Variants in NDRG1 observed in about 807,000 individuals in gnomAD.
The protein encoded by NDRG1 is N-myc downstream regulated 1.
NDRG1 carries 32 observed loss-of-function variants against 56.9 expected under a neutral mutation model. The ratio of observed to expected loss-of-function variants is 0.56; its 90% CI spans 0.42 to 0.76. NDRG1 has a LOEUF of 0.76. Among genes scored for constraint, NDRG1 ranks in the 30% least tolerant of loss-of-function variants. The probability of loss-of-function intolerance (pLI) is 0.00; values close to 1 mark genes in which losing one functional copy is unlikely to be tolerated. For missense variants in NDRG1, 507 were observed against 545.7 expected (o/e 0.93, Z 0.71); for synonymous variants, 211 against 204.1 (o/e 1.03, Z -0.29).
intron 5 of NDRG1, 98 bp from the exon 6 acceptor site, chr8:133,259,328 G>T: frequency 7.9e-7 from 1 of 1,260,308 alleles, no homozygotes; most frequent in Non-Finnish European, 1.2e-6. Flanking sequence ...GCAGCAGCCT[G>T]CCCCATGCAC....
rs1028658887 is a variant in NDRG1, at chr8:133,238,655, C to T, written c.*223G>A. The T allele has an allele frequency of 6.1e-5, 37 of 601,740 alleles. No homozygotes were observed. Among genetic ancestry groups the T allele is most frequent in the Middle Eastern group, 4.4e-4 (1 of 2,272 alleles). 37.3% of individuals were successfully genotyped at this position (601,740 alleles called of 1,614,324 possible). A position where few individuals can be genotyped will look rare whatever the true frequency, so the allele number is the denominator to read the frequency against. ...CTGGTTAATGGAAGAGGATGCGATG[C>T]GGAGATGCTTGCTTCCTTCCTTTGG... On this transcript the variant is annotated 3_prime_UTR_variant, in exon 16 of 16. Coordinates refer to ENST00000323851, the MANE Select transcript of NDRG1 (RefSeq NM_006096.4).
intron 13 of NDRG1, among the ~76,000 whole-genome samples, chr8:133,244,997 G>A (rs977131320): frequency 6.6e-6 from 1 of 152,206 alleles, no homozygotes; most frequent in East Asian, 1.9e-4. Flanking sequence ...GGAGGCTGCG[G>A]GGAGGGTGGC....
chr8:133,278,135 G>A (rs116275259), intron 3 of NDRG1, among the ~76,000 whole-genome samples: 1 of 152,116 alleles, frequency 6.6e-6, no homozygotes, highest in Admixed American at 6.5e-5. Flanking sequence ...GGGTGGCCCG[G>A]CCCATCCCTG....
chr8:133,285,888 G>A (rs1247342972), intron 1 of NDRG1, among the ~76,000 whole-genome samples: 2 of 152,214 alleles, frequency 1.3e-5, no homozygotes, highest in African/African-American at 2.4e-5. Flanking sequence ...CAGCAGGTTC[G>A]TGGTCCCAAG....
At position 133,252,981 on chromosome 8, in the gene NDRG1, G is replaced by T. The variant is rs1564285915; in HGVS notation, c.594+1558C>A. 4.6e-5 allele frequency among the ~76,000 whole-genome samples: 7 copies of T among 152,258 alleles called. No homozygotes were observed. In the East Asian group the frequency reaches 1.3e-3, roughly 29 times the overall value. ...CTGGTGTACTCGCCAGCTCCAGAGT[G>T]GAGGCTGTGTCCCCAGGACTCATGG... On this transcript the variant is annotated intron_variant, in intron 9 of 15. Transcript: ENST00000323851.
chr8:133,265,931 C>T (rs970067720), intron 3 of NDRG1, among the ~76,000 whole-genome samples: 1 of 152,254 alleles, frequency 6.6e-6, no homozygotes, highest in African/African-American at 2.4e-5. Flanking sequence ...ATTTCCACAT[C>T]TGAGAGCAGT....
intron 9 of NDRG1, among the ~76,000 whole-genome samples, chr8:133,253,326 T>C (rs1856177925): frequency 6.6e-6 from 1 of 152,250 alleles, no homozygotes; most frequent in South Asian, 2.1e-4. Flanking sequence ...GCCGCCATCC[T>C]GCTGTGGTGA....
intron 9 of NDRG1, among the ~76,000 whole-genome samples, chr8:133,251,569 C>T (rs1856046989): frequency 1.3e-5 from 2 of 152,218 alleles, no homozygotes; most frequent in Non-Finnish European, 2.9e-5. Flanking sequence ...GACATCCCTC[C>T]TCCAGTGAAA....
intron 4 of NDRG1, among the ~76,000 whole-genome samples, chr8:133,262,832 T>A (rs1250868913): frequency 2.0e-5 from 3 of 152,142 alleles, no homozygotes; most frequent in Non-Finnish European, 4.4e-5. Context: ...TTCTCTAAGA[T>A]CCTCTAAGTT....
chr8:133,259,352 C>T (rs1431877009), intron 5 of NDRG1, 122 bp from the exon 6 acceptor site: 5 of 943,502 alleles, frequency 5.3e-6, no homozygotes, highest in Non-Finnish European at 8.6e-6. Context: ...GACCCCCCCA[C>T]CCCCAAGTCT....
At chr8:133,278,887 C>CTTT (rs34187643) in intron 3 of NDRG1, among the ~76,000 whole-genome samples, 17 of 125,580 alleles carry the variant, frequency 1.4e-4, no homozygotes, top group East Asian at 4.5e-4. Context: ...CTCTCTTCTT[C>CTTT]TTTTTTTTTT....
At chr8:133,295,146 G>C (rs13249682) in intron 1 of NDRG1, among the ~76,000 whole-genome samples, 4,201 of 152,246 alleles carry the variant, frequency 0.028, 74 homozygotes, top group African/African-American at 0.04. Context: ...AAAAGCAAAA[G>C]CCAACACCTC....
In NDRG1 at chr8:133,291,999, G is replaced by A. The variant is rs532413896; in HGVS notation, c.-19+5135C>T. Among the ~76,000 whole-genome samples, 6 of 152,202 alleles carry A rather than the reference G, an allele frequency of 3.9e-5. No individual in the cohort carries two copies. The East Asian group carries it at 1.2e-3, about 29-fold the overall frequency. On this transcript the variant is annotated intron_variant, in intron 1 of 15. Transcript: ENST00000323851. The stretch of plus-strand genomic sequence containing the variant: ...TCTCGTCAGGGCCCACCTCTTTTCT[G>A]CAATACAACCGAGATCTTCCTGGAG...
At chr8:133,270,444 C>T (rs1382305543) in intron 3 of NDRG1, among the ~76,000 whole-genome samples, 1 of 152,206 alleles carries the variant, frequency 6.6e-6, no homozygotes, top group African/African-American at 2.4e-5. Context: ...TGGTCCCCTT[C>T]CTTACTCACC....
intron 7 of NDRG1, 60 bp from the exon 8 acceptor site, chr8:133,256,923 T>C: frequency 6.6e-7 from 1 of 1,523,444 alleles, no homozygotes; most frequent in East Asian, 2.3e-5. Flanking sequence ...CTAGGAACTT[T>C]CCAAGGCAAA....
chr8:133,250,600 A>G (rs1365353135), intron 9 of NDRG1, 57 bp from the exon 10 acceptor site: 1 of 1,370,340 alleles, frequency 7.3e-7, no homozygotes, highest in Non-Finnish European at 1.0e-6. Context: ...TGAGCTGGTC[A>G]CTACTCTCTC....
At chr8:133,249,952 G>A (rs1855920194) in intron 10 of NDRG1, among the ~76,000 whole-genome samples, 1 of 152,006 alleles carries the variant, frequency 6.6e-6, no homozygotes, top group South Asian at 2.1e-4. Flanking sequence ...TCCTCCCCTA[G>A]CTGAGCTCCA....
intron 4 of NDRG1, among the ~76,000 whole-genome samples, chr8:133,263,826 G>T (rs1027897998): frequency 6.7e-6 from 1 of 149,562 alleles, no homozygotes; most frequent in African/African-American, 2.5e-5. Context: ...TGAGGCAAAA[G>T]AATTGCTTGA....
chr8:133,258,311 T>C, intron 7 of NDRG1, 55 bp downstream of exon 7: 4 of 1,542,644 alleles, frequency 2.6e-6, no homozygotes, highest in Non-Finnish European at 3.5e-6. Context: ...AATGTCTTCC[T>C]TCATCTTAAA....
Sources: gnomAD v4.1 joint callset for allele counts (sites outside exome capture counted in the v4.1 genomes callset) on GRCh38, gnomAD v4.1.1 for gene constraint, MANE v1.5 for transcripts, NCBI Gene and HGNC (gene_info 2026-07-23, HGNC 2026-07-21) for gene names.